PUDP: variants seen among roughly 807,000 people sequenced by gnomAD.
PUDP encodes the protein pseudouridine 5'-phosphatase.
A neutral mutation model predicts 9.4 loss-of-function variants in PUDP; 8 were observed. The ratio of observed to expected loss-of-function variants is 0.85; its 90% CI spans 0.50 to 1.53. The LOEUF (loss-of-function observed/expected upper bound fraction) is 1.53, where lower values mean the gene tolerates loss of function less well. Ranked by LOEUF, PUDP falls within the 40% of genes most tolerant of loss-of-function variation. The probability of loss-of-function intolerance (pLI) is 0.00; values close to 1 mark genes in which losing one functional copy is unlikely to be tolerated. For synonymous variants in PUDP, 99 were observed against 80.7 expected (o/e 1.23, Z -1.22); for missense variants, 188 against 189.7 (o/e 0.99, Z 0.05).
At chrX:6,899,886 G>A (rs1307436119) in intron 3 of PUDP, among the ~76,000 whole-genome samples, 1 of 111,005 alleles carries the variant, frequency 9.0e-6, no homozygotes, top group African/African-American at 3.3e-5. Flanking sequence ...GCTACTTCAG[G>A]CCTAACTGGA....
At chrX:7,018,257 G>A (rs975361963) in intron 1 of PUDP, among the ~76,000 whole-genome samples, 4 of 111,545 alleles carry the variant, frequency 3.6e-5, no homozygotes, top group Admixed American at 1.9e-4. Context: ...CTTTCTTGGC[G>A]AGATCCAAGA....
At chrX:6,809,904 C>T (rs1926114621) in intron 3 of PUDP, among the ~76,000 whole-genome samples, 1 of 110,107 alleles carries the variant, frequency 9.1e-6, no homozygotes, top group Non-Finnish European at 1.9e-5. Context: ...GACCCAGTCT[C>T]TACAAAAAAT....
intron 1 of PUDP, among the ~76,000 whole-genome samples, chrX:7,119,906 TTATG>T (rs773837879): frequency 8.9e-6 from 1 of 112,128 alleles, no homozygotes; most frequent in Non-Finnish European, 1.9e-5. Context: ...GAGGCTTGGA[TTATG>T]TGAAGGTTTT....
intron 1 of PUDP, among the ~76,000 whole-genome samples, chrX:6,712,242 C>T (rs907777523): frequency 4.5e-5 from 5 of 111,895 alleles, no homozygotes; most frequent in East Asian, 2.8e-4. Flanking sequence ...CCTCTGCCTG[C>T]GAGGTTCAAG....
chrX:7,134,150 A>C (rs1480783079), intron 1 of PUDP, among the ~76,000 whole-genome samples: 2 of 112,363 alleles, frequency 1.8e-5, no homozygotes, highest in African/African-American at 6.5e-5. Flanking sequence ...GTTGTCAATG[A>C]GATGGGCCAG....
chrX:7,008,399 A>G (rs755668910), intron 1 of PUDP, among the ~76,000 whole-genome samples: 1 of 110,967 alleles, frequency 9.0e-6, no homozygotes, highest in East Asian at 2.8e-4. Flanking sequence ...TAATATTTGC[A>G]TGATCTTTGC....
intron 3 of PUDP, among the ~76,000 whole-genome samples, chrX:6,901,730 G>A (rs1927690082): frequency 8.9e-6 from 1 of 112,790 alleles, no homozygotes; most frequent in Non-Finnish European, 1.9e-5. Flanking sequence ...AAGAGGAAAC[G>A]GTATTGCCAC....
chrX:7,042,046 G>A (rs1929929729), intron 1 of PUDP, among the ~76,000 whole-genome samples: 1 of 107,725 alleles, frequency 9.3e-6, no homozygotes, highest in African/African-American at 3.4e-5. Context: ...GGTGGTTGAC[G>A]TCCATGTTCA....
intron 1 of PUDP, among the ~76,000 whole-genome samples, chrX:7,119,403 C>T (rs1463755603): frequency 8.9e-6 from 1 of 112,551 alleles, no homozygotes; most frequent in Non-Finnish European, 1.9e-5. Flanking sequence ...CATGTAAATG[C>T]TAGTGCTTTC....
chrX:6,858,481 C>T (rs954186070), intron 3 of PUDP, among the ~76,000 whole-genome samples: 1 of 109,402 alleles, frequency 9.1e-6, no homozygotes, highest in African/African-American at 3.3e-5. Context: ...AGCACACACA[C>T]CATGCCCCAC....
At chrX:7,004,519 C>T (rs184293258) in intron 1 of PUDP, among the ~76,000 whole-genome samples, 1 of 111,616 alleles carries the variant, frequency 9.0e-6, no homozygotes, top group African/African-American at 3.3e-5. Context: ...GCTCATTTCC[C>T]GAAATTTTCC....
At chrX:6,999,066 G>A (rs1929288414) in intron 1 of PUDP, among the ~76,000 whole-genome samples, 1 of 111,320 alleles carries the variant, frequency 9.0e-6, no homozygotes, top group Non-Finnish European at 1.9e-5. Flanking sequence ...TCTGTGTCCA[G>A]ACTTCTGGGT....
intron 3 of PUDP, among the ~76,000 whole-genome samples, chrX:6,852,715 G>C (rs1402528206): frequency 9.0e-6 from 1 of 111,604 alleles, no homozygotes; most frequent in Non-Finnish European, 1.9e-5. Flanking sequence ...TTTTAATAAA[G>C]AGACTAATAT....
At chrX:6,975,321 A>G (rs1263248356) in intron 3 of PUDP, among the ~76,000 whole-genome samples, 1 of 110,334 alleles carries the variant, frequency 9.1e-6, no homozygotes, top group Non-Finnish European at 1.9e-5. Context: ...GCCTTTTTAT[A>G]CTGGTTTTTC....
chrX:7,053,522 T>C (rs773077689), intron 3 of PUDP, among the ~76,000 whole-genome samples: 147 of 111,722 alleles, frequency 1.3e-3, no homozygotes, highest in Non-Finnish European at 2.4e-3. Context: ...ATCTGATGGT[T>C]TTATAAGGGG....
At chrX:6,792,123 T>C (rs956339259) in intron 3 of PUDP, among the ~76,000 whole-genome samples, 5 of 110,673 alleles carry the variant, frequency 4.5e-5, no homozygotes, top group Non-Finnish European at 1.9e-5. Flanking sequence ...GAGAAAGGTA[T>C]ACGTGGGTCT....
intron 3 of PUDP, among the ~76,000 whole-genome samples, chrX:6,934,129 G>A (rs1274710477): frequency 9.6e-6 from 1 of 104,643 alleles, no homozygotes; most frequent in East Asian, 3.0e-4. Context: ...GAAATACAGA[G>A]AACGCCACAA....
chrX:6,989,437 G>T, intron 1 of PUDP: 1 of 159,411 alleles, frequency 6.3e-6, no homozygotes, highest in South Asian at 1.4e-4. Flanking sequence ...AATTTCTCCT[G>T]ACCAGCAAAG....
At chrX:6,867,766 T>C (rs1240435546) in intron 3 of PUDP, among the ~76,000 whole-genome samples, 2 of 111,470 alleles carry the variant, frequency 1.8e-5, no homozygotes, top group African/African-American at 6.5e-5. Flanking sequence ...TATTACAGAA[T>C]ACCACAGACT....
Sources: allele counts gnomAD v4.1 joint callset (sites outside exome capture counted in the v4.1 genomes callset), GRCh38; gene constraint gnomAD v4.1.1; transcripts MANE v1.5; gene names NCBI Gene and HGNC (gene_info 2026-07-23, HGNC 2026-07-21).